The following JAZF1 variants were observed in gnomAD, a reference collection of about 807,000 sequenced individuals.
JAZF1 encodes the protein JAZF zinc finger 1.
A neutral mutation model predicts 26.4 loss-of-function variants in JAZF1; 8 were observed. That is an observed-to-expected ratio of 0.30 (90% CI 0.18 to 0.55). The LOEUF is 0.55. JAZF1 is among the 20% of genes least tolerant of loss of function. The probability of loss-of-function intolerance (pLI) is 0.94; values close to 1 mark genes in which losing one functional copy is unlikely to be tolerated. For synonymous variants in JAZF1, 126 were observed against 122.3 expected, an observed-to-expected ratio of 1.03 and a Z score of -0.20; for missense variants, 199 against 322.0, an observed-to-expected ratio of 0.62 and a Z score of 2.92.
chr7:28,056,920 T>C (rs1783721659), intron 1 of JAZF1, among the ~76,000 whole-genome samples: 2 of 152,186 alleles, frequency 1.3e-5, no homozygotes, highest in East Asian at 3.8e-4. Flanking sequence ...TATCAGAATG[T>C]TTTGTGTCTT....
chr7:27,976,699 G>T (rs1409755913), intron 2 of JAZF1, among the ~76,000 whole-genome samples: 2 of 145,912 alleles, frequency 1.4e-5, no homozygotes, highest in South Asian at 4.4e-4. Flanking sequence ...GTGGTTTCAT[G>T]AAAAAAAAAA....
At chr7:28,090,952 G>A (rs1487628613) in intron 1 of JAZF1, among the ~76,000 whole-genome samples, 1 of 147,478 alleles carries the variant, frequency 6.8e-6, no homozygotes, top group Non-Finnish European at 1.5e-5. Context: ...TCAGCCTCCC[G>A]AGTAGCTGGG....
intron 1 of JAZF1, among the ~76,000 whole-genome samples, chr7:28,113,165 C>T (rs1346640229): frequency 6.6e-6 from 1 of 152,140 alleles, no homozygotes; most frequent in Non-Finnish European, 1.5e-5. Flanking sequence ...AATCGGTATC[C>T]TACAAACAAG....
At chr7:27,975,772 G>C (rs1482358951) in intron 2 of JAZF1, among the ~76,000 whole-genome samples, 2 of 152,156 alleles carry the variant, frequency 1.3e-5, no homozygotes, top group Non-Finnish European at 2.9e-5. Context: ...AAAAAGATCA[G>C]TCATAAATAC....
chr7:28,080,177 C>T (rs1364225562), intron 1 of JAZF1, among the ~76,000 whole-genome samples: 1 of 152,202 alleles, frequency 6.6e-6, no homozygotes, highest in African/African-American at 2.4e-5. Flanking sequence ...ACGGAGATGG[C>T]TTAGTTTCCT....
At chr7:28,079,912 T>C (rs1040711451) in intron 1 of JAZF1, among the ~76,000 whole-genome samples, 3 of 152,190 alleles carry the variant, frequency 2.0e-5, no homozygotes, top group East Asian at 1.9e-4. Flanking sequence ...ACCATTGCAA[T>C]AGCAAATATC....
intron 1 of JAZF1, among the ~76,000 whole-genome samples, chr7:28,165,271 T>C (rs1783350987): frequency 6.6e-6 from 1 of 152,180 alleles, no homozygotes; most frequent in Non-Finnish European, 1.5e-5. Flanking sequence ...GTGAGTTACA[T>C]TAGCCAAAAA....
At chr7:27,893,654 C>T (rs1053811805) in intron 3 of JAZF1, among the ~76,000 whole-genome samples, 1 of 152,186 alleles carries the variant, frequency 6.6e-6, no homozygotes, top group Admixed American at 6.5e-5. Context: ...TCACAGAATT[C>T]TATATAGCAC....
intron 3 of JAZF1, among the ~76,000 whole-genome samples, chr7:27,885,540 G>C (rs931123156): frequency 6.6e-6 from 1 of 152,146 alleles, no homozygotes; most frequent in Non-Finnish European, 1.5e-5. Flanking sequence ...TAGGAGTTCC[G>C]TACGTATTCT....
chr7:28,096,839 G>T (rs1784395198), intron 1 of JAZF1, among the ~76,000 whole-genome samples: 1 of 152,140 alleles, frequency 6.6e-6, no homozygotes, highest in South Asian at 2.1e-4. Flanking sequence ...CTGGTATACT[G>T]ACCACATTTC....
intron 1 of JAZF1, among the ~76,000 whole-genome samples, chr7:28,123,610 C>A (rs1782639589): frequency 6.6e-6 from 1 of 152,224 alleles, no homozygotes; most frequent in African/African-American, 2.4e-5. Flanking sequence ...TGTGTGCTGG[C>A]CACAAAGCCT....
chr7:27,910,073 G>A (rs1784335101), intron 2 of JAZF1, among the ~76,000 whole-genome samples: 2 of 152,190 alleles, frequency 1.3e-5, no homozygotes, highest in Admixed American at 6.5e-5. Flanking sequence ...ACCATTGAAT[G>A]ACACTGAATG....
At chr7:28,146,244 T>G (rs116690578) in intron 1 of JAZF1, among the ~76,000 whole-genome samples, 1 of 152,328 alleles carries the variant, frequency 6.6e-6, no homozygotes, top group African/African-American at 2.4e-5. Flanking sequence ...GGCCACCATC[T>G]TGAAGAAACC....
intron 2 of JAZF1, among the ~76,000 whole-genome samples, chr7:27,966,222 G>A (rs1785273037): frequency 6.6e-6 from 1 of 152,182 alleles, no homozygotes. Context: ...CACAACCCCA[G>A]GTTCTTCTGA....
intron 1 of JAZF1, among the ~76,000 whole-genome samples, chr7:28,148,065 CAT>C (rs78693958): frequency 0.2 from 29,718 of 151,576 alleles, 3,819 homozygotes; most frequent in African/African-American, 0.35. Context: ...CACTTTATCA[CAT>C]GTTTCTTACT....
At chr7:27,856,130 A>G (rs2128335106) in intron 3 of JAZF1, among the ~76,000 whole-genome samples, 1 of 152,256 alleles carries the variant, frequency 6.6e-6, no homozygotes, top group East Asian at 1.9e-4. Flanking sequence ...TACAGTTCTT[A>G]AACGTGGTGT....
chr7:27,839,768 T>C (rs970126199), intron 4 of JAZF1, among the ~76,000 whole-genome samples: 2 of 152,184 alleles, frequency 1.3e-5, no homozygotes, highest in Non-Finnish European at 2.9e-5. Context: ...AGTACTGAAA[T>C]AGATTAGTGT....
At chr7:27,950,917 C>T (rs1784998365) in intron 2 of JAZF1, among the ~76,000 whole-genome samples, 1 of 151,926 alleles carries the variant, frequency 6.6e-6, no homozygotes, top group African/African-American at 2.4e-5. Flanking sequence ...ATTTCAATGA[C>T]AAAAAAGGCA....
chr7:27,966,790 G>T (rs943201219), intron 2 of JAZF1, among the ~76,000 whole-genome samples: 4 of 152,148 alleles, frequency 2.6e-5, no homozygotes, highest in Non-Finnish European at 5.9e-5. Flanking sequence ...TGTCCAGAAA[G>T]TTCCTTCTAC....
Sources: allele counts gnomAD v4.1 joint callset (sites outside exome capture counted in the v4.1 genomes callset), GRCh38; gene constraint gnomAD v4.1.1; transcripts MANE v1.5; gene names NCBI Gene and HGNC (gene_info 2026-07-23, HGNC 2026-07-21).